Variants in ZNF536 observed in about 807,000 individuals in gnomAD.
ZNF536 encodes zinc finger protein 536.
Under a neutral mutation model 84.5 loss-of-function variants are expected in ZNF536, and 13 were observed. The ratio of observed to expected loss-of-function variants is 0.15; its 90% CI spans 0.10 to 0.24. ZNF536 has a LOEUF of 0.24. ZNF536 is among the 10% of genes least tolerant of loss of function. ZNF536 has a pLI of 1.00. For missense variants in ZNF536, 1,536 were observed against 1,747.5 expected (o/e 0.88, Z 2.16); for synonymous variants, 811 against 742.5 (o/e 1.09, Z -1.50).
intron 1 of ZNF536, among the ~76,000 whole-genome samples, chr19:30,412,734 T>G (rs890788484): frequency 3.9e-5 from 6 of 151,940 alleles, no homozygotes; most frequent in African/African-American, 1.4e-4. Flanking sequence ...CTATATCTAG[T>G]AGCACTATCC....
intron 2 of ZNF536, among the ~76,000 whole-genome samples, chr19:30,314,527 C>T (rs1019541389): frequency 2.6e-5 from 4 of 152,152 alleles, no homozygotes; most frequent in African/African-American, 4.8e-5. Context: ...AGAGCCACAC[C>T]GTGTTCCCAG....
intron 1 of ZNF536, among the ~76,000 whole-genome samples, chr19:30,268,856 C>T (rs922847987): frequency 6.6e-6 from 1 of 152,168 alleles, no homozygotes; most frequent in Non-Finnish European, 1.5e-5. Flanking sequence ...CTTAGGGTCT[C>T]CAAGAACGGA....
intron 1 of ZNF536, among the ~76,000 whole-genome samples, chr19:30,234,115 A>G (rs571128161): frequency 6.6e-6 from 1 of 152,332 alleles, no homozygotes; most frequent in South Asian, 2.1e-4. Flanking sequence ...TACTATTCTT[A>G]GTCTATGGCT....
chr19:30,460,280 C>T (rs543857547), intron 2 of ZNF536, among the ~76,000 whole-genome samples: 39 of 152,086 alleles, frequency 2.6e-4, no homozygotes, highest in Non-Finnish European at 4.1e-4. Flanking sequence ...ATCCCGTGGC[C>T]GAATGTGACA....
chr19:30,345,304 A>T (rs962922891), intron 2 of ZNF536, among the ~76,000 whole-genome samples: 1 of 152,058 alleles, frequency 6.6e-6, no homozygotes, highest in African/African-American at 2.4e-5. Context: ...CTGTGAGAAG[A>T]CTCCAGGTTT....
chr19:30,505,922 T>G (rs1349788229), intron 2 of ZNF536, among the ~76,000 whole-genome samples: 1 of 152,200 alleles, frequency 6.6e-6, no homozygotes, highest in East Asian at 1.9e-4. Flanking sequence ...CTCCTCAACC[T>G]CCCAAAGTGC....
chr19:30,627,660 C>T (rs867889819), intron 1 of ZNF536, among the ~76,000 whole-genome samples: 7 of 152,058 alleles, frequency 4.6e-5, no homozygotes, highest in Non-Finnish European at 7.4e-5. Context: ...GTTCTCTGTA[C>T]AGGAGAGAGG....
intron 1 of ZNF536, among the ~76,000 whole-genome samples, chr19:30,698,287 G>A (rs2051748100): frequency 6.9e-6 from 1 of 145,984 alleles, no homozygotes. Context: ...GCAAGACTCA[G>A]TCTCAAAAAA....
intron 2 of ZNF536, among the ~76,000 whole-genome samples, chr19:30,484,823 A>G: frequency 6.6e-6 from 1 of 151,932 alleles, no homozygotes; most frequent in East Asian, 1.9e-4. Context: ...TACTTTGTAA[A>G]GTGCTATAAG....
chr19:30,420,038 G>A (rs1319185222), intron 1 of ZNF536, among the ~76,000 whole-genome samples: 1 of 152,152 alleles, frequency 6.6e-6, no homozygotes, highest in African/African-American at 2.4e-5. Flanking sequence ...CAGGCTGGGC[G>A]CTGGGCAGAA....
intron 1 of ZNF536, among the ~76,000 whole-genome samples, chr19:30,678,738 C>A (rs1326608707): frequency 6.6e-6 from 1 of 150,886 alleles, no homozygotes; most frequent in African/African-American, 2.4e-5. Context: ...CCCAAGCCCC[C>A]CCACACACAC....
At chr19:30,423,973 C>T (rs2051100589) in intron 1 of ZNF536, among the ~76,000 whole-genome samples, 1 of 152,290 alleles carries the variant, frequency 6.6e-6, no homozygotes, top group East Asian at 1.9e-4. Context: ...GCAAGTTTCC[C>T]AGGGTCTGGG....
In ZNF536 at chr19:30,549,155, A is replaced by G. The variant is rs1400023024; in HGVS notation, c.3536A>G (p.Asp1179Gly). 3 of 1,613,918 alleles carry G rather than the reference A, an allele frequency of 1.9e-6. No homozygotes were observed. Among genetic ancestry groups the G allele is most frequent in the Admixed American group, 3.3e-5 (2 of 60,010 alleles). Residue 1179 changes from aspartate (D) to glycine (G), a missense_variant, in exon 4 of 5, where the codon GAT becomes GGT. Asp to Gly is a moderately conservative substitution (Grantham distance 94). Coordinates refer to ENST00000355537, the MANE Select transcript of ZNF536 (RefSeq NM_014717.3). ...DMDSSKGENNDEEDVETEPEM... is the reference protein window; with the variant it reads ...DMDSSKGENNGEEDVETEPEM... ...GACTCCTCCAAGGGGGAGAACAACGATGAAGAGGATGTTGAAACCGAACCG... is the reference window on the plus strand; with the variant it reads ...GACTCCTCCAAGGGGGAGAACAACGGTGAAGAGGATGTTGAAACCGAACCG...
intron 1 of ZNF536, among the ~76,000 whole-genome samples, chr19:30,274,433 A>C (rs1313640586): frequency 6.6e-6 from 1 of 152,238 alleles, no homozygotes; most frequent in Non-Finnish European, 1.5e-5. Context: ...CATAAAAAGT[A>C]TAAAGAATAT....
intron 1 of ZNF536, among the ~76,000 whole-genome samples, chr19:30,407,579 T>A (rs1159137935): frequency 6.6e-6 from 1 of 152,194 alleles, no homozygotes; most frequent in Non-Finnish European, 1.5e-5. Flanking sequence ...AGGCTTCACT[T>A]TGGGGTTTCC....
intron 2 of ZNF536, among the ~76,000 whole-genome samples, chr19:30,314,991 G>C (rs1002343796): frequency 6.6e-6 from 1 of 152,006 alleles, no homozygotes; most frequent in Non-Finnish European, 1.5e-5. Flanking sequence ...GTGGCCCACC[G>C]GGTCCTCCTC....
chr19:30,417,474 T>C (rs2050782420), intron 1 of ZNF536, among the ~76,000 whole-genome samples: 1 of 152,190 alleles, frequency 6.6e-6, no homozygotes, highest in African/African-American at 2.4e-5. Flanking sequence ...CAGTTTTCCA[T>C]CTTGATACAA....
At chr19:30,323,627 G>C (rs533250308) in intron 2 of ZNF536, among the ~76,000 whole-genome samples, 2 of 152,280 alleles carry the variant, frequency 1.3e-5, no homozygotes, top group African/African-American at 4.8e-5. Context: ...GGGCTGCAGG[G>C]TTCTTGGGTT....
intron 1 of ZNF536, among the ~76,000 whole-genome samples, chr19:30,588,579 T>C (rs1355054642): frequency 6.6e-6 from 1 of 152,166 alleles, no homozygotes; most frequent in Non-Finnish European, 1.5e-5. Flanking sequence ...TTTTTTCTAA[T>C]TTTTCTGATC....
Sources: gnomAD v4.1 joint callset for allele counts (sites outside exome capture counted in the v4.1 genomes callset) on GRCh38, gnomAD v4.1.1 for gene constraint, MANE v1.5 for transcripts, NCBI Gene and HGNC (gene_info 2026-07-23, HGNC 2026-07-21) for gene names.